The following APC variants were observed in gnomAD, a reference collection of about 807,000 sequenced individuals.
APC encodes the protein adenomatous polyposis coli protein.
APC carries 72 observed loss-of-function variants against 247.0 expected under a neutral mutation model. That is an observed-to-expected ratio of 0.29 (90% CI 0.24 to 0.35). APC has a LOEUF of 0.35. Among genes scored for constraint, APC ranks in the 10% least tolerant of loss-of-function variants. APC has a pLI of 1.00. For missense variants in APC, 3,400 were observed against 3,360.7 expected, an observed-to-expected ratio of 1.01 and a Z score of -0.29; for synonymous variants, 1,254 against 1,162.5, an observed-to-expected ratio of 1.08 and a Z score of -1.60.
At position 112,783,826 on chromosome 5, in the gene APC, C is replaced by A. The variant is rs79285786; in HGVS notation, c.645+2923C>A. ...AAAAGAAAAGAAAGAAAACAGATAA[C>A]CAAATAGCAAAATAGTCAGAAGATG... On this transcript the variant is annotated intron_variant, in intron 6 of 15. Transcript: ENST00000257430. The A allele has an allele frequency of 6.5e-5, 22 of 337,340 alleles. No individual in the cohort carries two copies. Among genetic ancestry groups the A allele is most frequent in the Admixed American group, 5.2e-4 (12 of 23,158 alleles). The allele number at this position is 337,340 out of a possible 1,614,324, so 20.9% of individuals were successfully genotyped here.
rs946421079 is a variant in APC, at chr5:112,844,610, G to A, written c.*484G>A. The A allele has an allele frequency of 1.3e-5, 3 of 234,522 alleles. No individual in the cohort carries two copies. The highest frequency in any genetic ancestry group is 6.6e-5 in the African/African-American group (3 of 45,236). 14.5% of individuals were successfully genotyped at this position (234,522 alleles called of 1,614,324 possible). On this transcript the variant is annotated 3_prime_UTR_variant, in exon 16 of 16. Transcript: ENST00000257430. Reference sequence around the variant, plus strand: ...TGGCTGTGAAATTCACAGTAATATGGTTCCCGATGAACAAGTTTACCCAGC... The same window carrying A: ...TGGCTGTGAAATTCACAGTAATATGATTCCCGATGAACAAGTTTACCCAGC...
intron 2 of APC, among the ~76,000 whole-genome samples, chr5:112,763,976 G>A (rs767378632): frequency 3.3e-5 from 5 of 151,934 alleles, no homozygotes; most frequent in Non-Finnish European, 5.9e-5. Flanking sequence ...GGTGGCTCAC[G>A]CCTGTAATCC....
chr5:112,711,773 CATAG>C (rs769306009), intron 1 of APC, among the ~76,000 whole-genome samples: 38 of 152,272 alleles, frequency 2.5e-4, no homozygotes, highest in Admixed American at 4.6e-4. Flanking sequence ...TTGGCAAGTA[CATAG>C]ATAGAAGTGG....
chr5:112,775,793 G>T, intron 5 of APC, 56 bp downstream of exon 5: 1 of 934,574 alleles, frequency 1.1e-6, no homozygotes, highest in Non-Finnish European at 1.7e-6. Flanking sequence ...ATATTTTAAA[G>T]TACCTAGGTA....
intron 11 of APC, among the ~76,000 whole-genome samples, chr5:112,826,880 G>T (rs1763717638): frequency 6.6e-6 from 1 of 152,174 alleles, no homozygotes; most frequent in South Asian, 2.1e-4. Flanking sequence ...TAAGGGGCTG[G>T]GGGTGGAGAA....
At chr5:112,809,416 A>G (rs2149739746) in intron 8 of APC, among the ~76,000 whole-genome samples, 1 of 152,212 alleles carries the variant, frequency 6.6e-6, no homozygotes, top group African/African-American at 2.4e-5. Context: ...TTGAGAGGAA[A>G]GGTAAAGAAT....
chr5:112,823,208 T>A (rs1398048353), intron 11 of APC: 2 of 152,672 alleles, frequency 1.3e-5, no homozygotes, highest in South Asian at 4.1e-4. Flanking sequence ...CTGTAAATGT[T>A]CCTGTATTCC....
chr5:112,808,414 A>G (rs958610172), intron 8 of APC, among the ~76,000 whole-genome samples: 3 of 152,080 alleles, frequency 2.0e-5, no homozygotes, highest in African/African-American at 4.8e-5. Flanking sequence ...TTGAAGAACT[A>G]AAGTTGTTTT....
rs1290380033 is a variant in APC at position 112,842,995 on chromosome 5, A to C, written c.7401A>C (p.Pro2467=). The change falls in exon 16 of 16, where the codon CCA becomes CCC. Residue 2467 remains proline, a synonymous_variant. Coordinates refer to ENST00000257430, the MANE Select transcript of APC (RefSeq NM_000038.6). Reference sequence around the variant, plus strand: ...CTGCTTCATTTGAATCTCTTTCTCCATCATCTAGACCAGCTTCTCCCACTA... The same window carrying C: ...CTGCTTCATTTGAATCTCTTTCTCCCTCATCTAGACCAGCTTCTCCCACTA... ...EESASFESLS[P]SSRPASPTRS... The C allele has an allele frequency of 2.5e-6, 4 of 1,614,062 alleles. No individual in the cohort carries two copies. The highest frequency in any genetic ancestry group is 3.3e-4 in the Middle Eastern group (2 of 6,060).
intron 13 of APC, among the ~76,000 whole-genome samples, chr5:112,828,593 G>A (rs567210484): frequency 2.0e-5 from 3 of 151,902 alleles, no homozygotes; most frequent in Non-Finnish European, 4.4e-5. Context: ...TACTGCAGGC[G>A]CATGCCACCA....
chr5:112,723,018 C>G (rs978739194), intron 1 of APC, among the ~76,000 whole-genome samples: 27 of 152,254 alleles, frequency 1.8e-4, no homozygotes, highest in Middle Eastern at 3.4e-3. Flanking sequence ...GGACAGGACC[C>G]TCTCTGGAAT....
rs113902340 is a variant in APC at position 112,730,848 on chromosome 5, A to T, written c.165+22966A>T. Among the ~76,000 whole-genome samples, 767 of 152,000 alleles carry T rather than the reference A, an allele frequency of 5.0e-3. 9 individuals are homozygous for T. The highest frequency in any genetic ancestry group is 0.018 in the African/African-American group (734 of 41,468). ...TGTCGAACCTAGAAGTACTTAACTT[A>T]AAAAAAATGGAAAGAAATTATATAT... is the stretch of plus-strand genomic sequence containing the variant. On this transcript the variant is annotated intron_variant, in intron 1 of 13. Coordinates refer to the APC transcript ENST00000507379.
rs1554081912 is a variant in APC at position 112,827,997 on chromosome 5, C to T, written c.1617C>T (p.Asp539=). The change falls in exon 13 of 16, where the codon GAC becomes GAT. Residue 539 remains aspartate, a synonymous_variant. Coordinates refer to ENST00000257430, the MANE Select transcript of APC (RefSeq NM_000038.6). The part of the protein sequence containing the change: ...LVAQLKSESE[D]LQQVIASVLR... ...CCCAACTAAAATCTGAAAGTGAAGACTTACAGCAGGTACTATTTAGAATTT... is the reference window on the plus strand; with the variant it reads ...CCCAACTAAAATCTGAAAGTGAAGATTTACAGCAGGTACTATTTAGAATTT... 5.6e-6 allele frequency: 9 copies of T among 1,612,104 alleles called. No individual in the cohort carries two copies. The South Asian group carries it at 8.8e-5, about 16-fold the overall frequency.
At chr5:112,762,911 G>T (rs944023052) in intron 2 of APC, among the ~76,000 whole-genome samples, 2 of 152,154 alleles carry the variant, frequency 1.3e-5, no homozygotes, top group Non-Finnish European at 2.9e-5. Flanking sequence ...AATAATGTAG[G>T]TCATATTGGA....
intron 11 of APC, among the ~76,000 whole-genome samples, chr5:112,823,812 T>C (rs1243977830): frequency 1.3e-5 from 2 of 152,164 alleles, no homozygotes; most frequent in African/African-American, 2.4e-5. Flanking sequence ...TTTCACAAAA[T>C]ACCTAAATCA....
At chr5:112,729,636 A>G (rs1024846781) in intron 1 of APC, among the ~76,000 whole-genome samples, 8 of 152,248 alleles carry the variant, frequency 5.3e-5, no homozygotes, top group Non-Finnish European at 8.8e-5. Flanking sequence ...TGGGAAGCCA[A>G]TGAACAGTTT....
chr5:112,787,187 C>T (rs1759059353), intron 6 of APC, among the ~76,000 whole-genome samples: 1 of 152,188 alleles, frequency 6.6e-6, no homozygotes, highest in Admixed American at 6.5e-5. Context: ...CACTCTCGGC[C>T]TCAACCGTGC....
chr5:112,746,563 C>G (rs1039563059), intron 1 of APC, among the ~76,000 whole-genome samples: 3 of 152,066 alleles, frequency 2.0e-5, no homozygotes, highest in Non-Finnish European at 2.9e-5. Flanking sequence ...ATTCAAAAAT[C>G]TTATAACTGA....
At chr5:112,716,115 T>C (rs138528583) in intron 1 of APC, among the ~76,000 whole-genome samples, 1 of 152,162 alleles carries the variant, frequency 6.6e-6, no homozygotes, top group African/African-American at 2.4e-5. Flanking sequence ...AATTTCTGCT[T>C]CTTATTTCCT....
Sources: gnomAD v4.1 joint callset for allele counts (sites outside exome capture counted in the v4.1 genomes callset) on GRCh38, gnomAD v4.1.1 for gene constraint, MANE v1.5 for transcripts, NCBI Gene and HGNC (gene_info 2026-07-23, HGNC 2026-07-21) for gene names.